The following ZNF407 variants were observed in gnomAD, a reference collection of about 807,000 sequenced individuals.
The protein encoded by ZNF407 is zinc finger protein 407.
In ZNF407, 17 loss-of-function variants were observed where a neutral mutation model predicts 131.2. The ratio of observed to expected loss-of-function variants is 0.13; its 90% CI spans 0.09 to 0.19. ZNF407 has a LOEUF of 0.19. ZNF407 is among the 10% of genes least tolerant of loss of function. ZNF407 has a pLI of 1.00. For missense variants in ZNF407, 2,681 were observed against 2,830.6 expected (o/e 0.95, Z 1.20); for synonymous variants, 1,156 against 1,062.0 (o/e 1.09, Z -1.72).
Position 74,635,402 on chromosome 18 carries a change from G to C in ZNF407, c.4383G>C (p.Gln1461His). ...KSFYTESNLH[Q>H]HLASAGHMRN... The stretch of plus-strand genomic sequence containing the variant: ...TCTATACCGAAAGCAACCTTCACCA[G>C]CATCTGGCTAGTGCCGGCCACATGA... Residue 1461 changes from glutamine (Q) to histidine (H), a missense_variant, in exon 2 of 9, where the codon CAG (glutamine) becomes CAC (histidine). Coordinates refer to ENST00000299687, the MANE Select transcript of ZNF407 (RefSeq NM_017757.3). The surrounding 1 kb of genome is among the most constrained non-coding windows in gnomAD (Gnocchi z 4.7). 1 of 1,613,870 alleles carries C rather than the reference G, an allele frequency of 6.2e-7. No individual in the cohort carries two copies. Among genetic ancestry groups the C allele is most frequent in the South Asian group, 1.1e-5 (1 of 91,040 alleles).
intron 4 of ZNF407, chr18:74,804,293 T>A: frequency 8.6e-7 from 1 of 1,165,722 alleles, no homozygotes; most frequent in Non-Finnish European, 1.1e-6. Context: ...ATTGTCATCA[T>A]CAATGAGTTA....
At chr18:74,886,593 A>C (rs1422964658) in intron 6 of ZNF407, among the ~76,000 whole-genome samples, 2 of 152,246 alleles carry the variant, frequency 1.3e-5, no homozygotes, top group Non-Finnish European at 2.9e-5. Flanking sequence ...TTATACTCAT[A>C]GTAGCATGGA....
chr18:74,889,049 A>T (rs1389612266), intron 6 of ZNF407, among the ~76,000 whole-genome samples: 2 of 152,182 alleles, frequency 1.3e-5, no homozygotes, highest in South Asian at 2.1e-4. Flanking sequence ...GTGTTTAGTT[A>T]TACAGATACT....
intron 1 of ZNF407, among the ~76,000 whole-genome samples, chr18:74,617,554 T>C (rs1486968329): frequency 1.1e-4 from 16 of 152,248 alleles, no homozygotes; most frequent in Admixed American, 8.5e-4. Flanking sequence ...ACCTTTTTTC[T>C]TTCCTCTTTA....
intron 3 of ZNF407, among the ~76,000 whole-genome samples, chr18:74,748,460 A>G (rs1599119958): frequency 6.6e-6 from 1 of 152,168 alleles, no homozygotes; most frequent in Admixed American, 6.6e-5. Flanking sequence ...ATTAGCTGAC[A>G]TATCATTGCT....
At chr18:74,924,115 A>T (rs1459872789) in intron 8 of ZNF407, among the ~76,000 whole-genome samples, 1 of 152,162 alleles carries the variant, frequency 6.6e-6, no homozygotes, top group Non-Finnish European at 1.5e-5. Flanking sequence ...GTTTTATATG[A>T]TTGTGTTTAT....
rs146359852 is a variant in ZNF407 at position 74,967,330 on chromosome 18, G to C, written c.5428+46638G>C. On this transcript the variant is annotated intron_variant, in intron 8 of 8. Coordinates refer to ENST00000299687, the MANE Select transcript of ZNF407 (RefSeq NM_017757.3). ...AAAATGCCTTCCATTTTTAAAATTT[G>C]AGTAAATGACATTAAAAATTCTAAA... Among the ~76,000 whole-genome samples the C allele has an allele frequency of 3.8e-3, 586 of 152,256 alleles. 5 individuals carry two copies. The highest frequency in any genetic ancestry group is 0.013 in the African/African-American group (540 of 41,544).
chr18:74,690,691 G>C (rs1278723057), intron 3 of ZNF407, among the ~76,000 whole-genome samples: 1 of 152,098 alleles, frequency 6.6e-6, no homozygotes, highest in Non-Finnish European at 1.5e-5. Context: ...TATTTTTCTT[G>C]TATAGTTTAG....
chr18:74,601,638 T>C (rs1272541937), intron 1 of ZNF407, among the ~76,000 whole-genome samples: 1 of 152,028 alleles, frequency 6.6e-6, no homozygotes, highest in Non-Finnish European at 1.5e-5. Flanking sequence ...AGCTTGCATA[T>C]CCCATGGCAA....
At chr18:74,942,034 G>T (rs915142467) in intron 8 of ZNF407, among the ~76,000 whole-genome samples, 1 of 152,198 alleles carries the variant, frequency 6.6e-6, no homozygotes, top group Non-Finnish European at 1.5e-5. Context: ...GATCGCTGTG[G>T]TGTGGATCTG....
chr18:74,787,751 C>T (rs1000724789), intron 4 of ZNF407, among the ~76,000 whole-genome samples: 8 of 152,204 alleles, frequency 5.3e-5, no homozygotes, highest in African/African-American at 1.9e-4. Flanking sequence ...TGCTAGAGAA[C>T]TGCTTTTCTT....
chr18:74,652,866 C>T (rs1219013266), intron 3 of ZNF407, among the ~76,000 whole-genome samples: 2 of 151,998 alleles, frequency 1.3e-5, no homozygotes, highest in East Asian at 3.9e-4. Context: ...TATAGCTGAT[C>T]ATTAGTGAGT....
At chr18:74,804,710 A>G (rs1175753568) in intron 4 of ZNF407, 6 of 668,804 alleles carry the variant, frequency 9.0e-6, no homozygotes, top group Admixed American at 6.3e-5. Context: ...ACAACCTACC[A>G]TGATTATCTG....
intron 1 of ZNF407, among the ~76,000 whole-genome samples, chr18:74,598,887 T>C (rs965791206): frequency 7.9e-5 from 12 of 152,226 alleles, no homozygotes; most frequent in African/African-American, 1.4e-4. Flanking sequence ...ATTTATTTCA[T>C]TGGGGAGTTT....
chr18:74,811,022 A>G (rs544575073), intron 4 of ZNF407, among the ~76,000 whole-genome samples: 1 of 152,320 alleles, frequency 6.6e-6, no homozygotes, highest in African/African-American at 2.4e-5. Flanking sequence ...AAATTGACAA[A>G]TGGGATCTAA....
intron 3 of ZNF407, among the ~76,000 whole-genome samples, chr18:74,643,834 T>C (rs1984836742): frequency 6.6e-6 from 1 of 152,008 alleles, no homozygotes; most frequent in African/African-American, 2.4e-5. Flanking sequence ...TTTAAAGTTT[T>C]GTATAAGTTG....
At chr18:74,773,793 A>C (rs371752303) in intron 3 of ZNF407, among the ~76,000 whole-genome samples, 5 of 152,210 alleles carry the variant, frequency 3.3e-5, no homozygotes, top group African/African-American at 9.6e-5. Flanking sequence ...TTCTGTGCCC[A>C]CAATGTATGT....
At chr18:74,828,292 T>C (rs1970436118) in intron 4 of ZNF407, among the ~76,000 whole-genome samples, 1 of 152,214 alleles carries the variant, frequency 6.6e-6, no homozygotes, top group Non-Finnish European at 1.5e-5. Context: ...GGATATTCCT[T>C]ATTCCTTACT....
chr18:74,755,885 CTTTT>C (rs34750560), intron 3 of ZNF407, among the ~76,000 whole-genome samples: 39 of 25,820 alleles, frequency 1.5e-3, no homozygotes, highest in African/African-American at 3.4e-3. Flanking sequence ...CTTTTCCTTC[CTTTT>C]TTTTTTTTTT....
Sources: allele counts gnomAD v4.1 joint callset (sites outside exome capture counted in the v4.1 genomes callset), GRCh38; gene constraint gnomAD v4.1.1; non-coding constraint Gnocchi (gnomAD v3.1); transcripts MANE v1.5; gene names NCBI Gene and HGNC (gene_info 2026-07-23, HGNC 2026-07-21).